PIK3CB: variants seen among roughly 807,000 people sequenced by gnomAD.
PIK3CB encodes the protein phosphatidylinositol 4,5-bisphosphate 3-kinase catalytic subunit beta isoform.
PIK3CB carries 39 observed loss-of-function variants against 136.8 expected under a neutral mutation model. The observed-to-expected ratio is 0.29, with a 90% confidence interval of 0.22 to 0.37. The LOEUF (loss-of-function observed/expected upper bound fraction) is 0.37. PIK3CB is among the 10% of genes least tolerant of loss of function. The probability of loss-of-function intolerance (pLI) is 1.00; values close to 1 mark genes in which losing one functional copy is unlikely to be tolerated. For synonymous variants in PIK3CB, 428 were observed against 436.6 expected (o/e 0.98, Z 0.25); for missense variants, 868 against 1,275.4 (o/e 0.68, Z 4.87).
intron 15 of PIK3CB, 52 bp from the exon 16 acceptor site, chr3:138,689,026 C>G: frequency 9.4e-7 from 1 of 1,066,626 alleles, no homozygotes. Flanking sequence ...CACTTCAGAT[C>G]ACCGAATAAA....
At chr3:138,740,019 C>T (rs562100188) in intron 5 of PIK3CB, among the ~76,000 whole-genome samples, 2 of 151,936 alleles carry the variant, frequency 1.3e-5, no homozygotes, top group Admixed American at 1.3e-4. Flanking sequence ...TCATAAGACA[C>T]GGAATGAACT....
chr3:138,773,608 GA>G (rs539444150), intron 2 of PIK3CB, among the ~76,000 whole-genome samples: 173 of 151,744 alleles, frequency 1.1e-3, no homozygotes, highest in African/African-American at 3.9e-3. Flanking sequence ...CCTTGAAATG[GA>G]AAAAAAATTT....
chr3:138,784,325 T>A (rs1298811138), intron 2 of PIK3CB, among the ~76,000 whole-genome samples: 1 of 152,124 alleles, frequency 6.6e-6, no homozygotes, highest in Non-Finnish European at 1.5e-5. Context: ...GAGGTTGCAA[T>A]GAGCTAAGAT....
chr3:138,664,323 A>G (rs2043362367), intron 20 of PIK3CB, among the ~76,000 whole-genome samples: 1 of 152,132 alleles, frequency 6.6e-6, no homozygotes, highest in African/African-American at 2.4e-5. Flanking sequence ...TACTTAGAAG[A>G]GACCATGGCT....
At chr3:138,789,137 T>C (rs968390681) in intron 2 of PIK3CB, among the ~76,000 whole-genome samples, 9 of 151,694 alleles carry the variant, frequency 5.9e-5, no homozygotes, top group Non-Finnish European at 1.5e-5. Flanking sequence ...CTCAAAAAAT[T>C]AAAGCATATG....
At chr3:138,817,516 CA>C (rs1012740402) in intron 1 of PIK3CB, among the ~76,000 whole-genome samples, 1 of 150,364 alleles carries the variant, frequency 6.7e-6, no homozygotes, top group Non-Finnish European at 1.5e-5. Context: ...AACTCTATCT[CA>C]AAAAAAAAGT....
chr3:138,795,101 C>T (rs1438535554), intron 2 of PIK3CB, among the ~76,000 whole-genome samples: 1 of 152,070 alleles, frequency 6.6e-6, no homozygotes, highest in Admixed American at 6.6e-5. Context: ...AGGCAGATCA[C>T]CTGAGGTCAG....
At chr3:138,758,638 T>A (rs781396976) in intron 3 of PIK3CB, among the ~76,000 whole-genome samples, 22 of 152,190 alleles carry the variant, frequency 1.4e-4, no homozygotes, top group African/African-American at 5.1e-4. Context: ...AGGTATATCA[T>A]AAATATGTTT....
chr3:138,752,713 G>GA lies in PIK3CB; in HGVS notation c.397+3040dup, dbSNP rs1199187032. ...GATAGAGTGAGACCTCGTCTCAACA[G>GA]AAAAAAAAAAAGAAAAAATTAAATT... On this transcript the variant is annotated intron_variant, in intron 4 of 23. Coordinates refer to ENST00000674063, the MANE Select transcript of PIK3CB (RefSeq NM_006219.3). Among the ~76,000 whole-genome samples the GA allele has an allele frequency of 1.2e-3, 153 of 127,386 alleles. 1 individual carries two copies. The highest frequency in any genetic ancestry group is 2.1e-3 in the South Asian group (9 of 4,212). The allele number at this position is 127,386 out of a possible 152,430, so 83.6% of individuals were successfully genotyped here. A position where few individuals can be genotyped will look rare whatever the true frequency, so the allele number is the denominator to read the frequency against.
chr3:138,660,747 C>T (rs998340491), intron 21 of PIK3CB, among the ~76,000 whole-genome samples: 1 of 152,188 alleles, frequency 6.6e-6, no homozygotes, highest in Non-Finnish European at 1.5e-5. Flanking sequence ...ACACACAGGT[C>T]AGCTCAATTT....
intron 1 of PIK3CB, chr3:138,825,465 C>T (rs1469412556): frequency 4.3e-6 from 3 of 701,556 alleles, no homozygotes; most frequent in Non-Finnish European, 7.7e-6. Context: ...TTAAGGAAGT[C>T]AGCACTTACA....
chr3:138,749,512 GT>G (rs2045425982), intron 4 of PIK3CB, among the ~76,000 whole-genome samples: 1 of 152,108 alleles, frequency 6.6e-6, no homozygotes. Flanking sequence ...CTTCCCAAGT[GT>G]TCTTAGTAGT....
chr3:138,819,066 G>A (rs891662746), intron 1 of PIK3CB, among the ~76,000 whole-genome samples: 3 of 152,100 alleles, frequency 2.0e-5, no homozygotes, highest in Non-Finnish European at 2.9e-5. Context: ...CATCACTACC[G>A]GGCCGGGCGC....
intron 21 of PIK3CB, 112 bp from the exon 22 acceptor site, chr3:138,657,947 C>T: frequency 2.1e-6 from 2 of 962,150 alleles, no homozygotes; most frequent in Non-Finnish European, 3.0e-6. Context: ...CACATCTGAG[C>T]CCTTCTCCCT....
intron 4 of PIK3CB, among the ~76,000 whole-genome samples, chr3:138,753,886 AT>A (rs1170090610): frequency 3.3e-5 from 5 of 152,228 alleles, no homozygotes; most frequent in African/African-American, 1.2e-4. Context: ...TTCCCTAAAA[AT>A]CAATGTGGTT....
intron 4 of PIK3CB, among the ~76,000 whole-genome samples, chr3:138,746,635 T>G (rs1237787515): frequency 6.6e-6 from 1 of 152,080 alleles, no homozygotes; most frequent in Non-Finnish European, 1.5e-5. Context: ...CACTCCAGCC[T>G]GGGTGACAGA....
intron 19 of PIK3CB, among the ~76,000 whole-genome samples, chr3:138,674,809 A>C (rs960883069): frequency 2.0e-5 from 3 of 152,216 alleles, no homozygotes; most frequent in Non-Finnish European, 4.4e-5. Flanking sequence ...TAATCCCAGC[A>C]CTTTGGGAGG....
rs2043145768 is a variant in PIK3CB, at chr3:138,653,313, C to T, written c.*2076G>A. 1 of 175,946 alleles carries T rather than the reference C, an allele frequency of 5.7e-6. No homozygotes were observed. Among genetic ancestry groups the T allele is most frequent in the African/African-American group, 2.4e-5 (1 of 42,198 alleles). The allele number at this position is 175,946 out of a possible 1,614,324, so 10.9% of individuals were successfully genotyped here. ...GCTTCTTACTTTCTGGGTTTGAATA[C>T]TGGCTCCATCAACTACTCTGTGACT... On this transcript the variant is annotated 3_prime_UTR_variant, in exon 24 of 24. Coordinates refer to ENST00000674063, the MANE Select transcript of PIK3CB (RefSeq NM_006219.3).
chr3:138,779,438 T>G (rs556003553), intron 2 of PIK3CB, among the ~76,000 whole-genome samples: 1 of 138,628 alleles, frequency 7.2e-6, no homozygotes, highest in Non-Finnish European at 1.5e-5. Flanking sequence ...TCACCCAGGA[T>G]GGAGTACAGT....
Sources: gnomAD v4.1 joint callset for allele counts (sites outside exome capture counted in the v4.1 genomes callset) on GRCh38, gnomAD v4.1.1 for gene constraint, MANE v1.5 for transcripts, NCBI Gene and HGNC (gene_info 2026-07-23, HGNC 2026-07-21) for gene names.